The following CDH5 variants were observed in gnomAD, a reference collection of about 807,000 sequenced individuals.
CDH5 encodes the protein cadherin-5.
Under a neutral mutation model 62.0 loss-of-function variants are expected in CDH5, and 28 were observed. That is an observed-to-expected ratio of 0.45 (90% CI 0.33 to 0.62). CDH5 has a LOEUF of 0.62. Among genes scored for constraint, CDH5 ranks in the 20% least tolerant of loss-of-function variants. The probability of loss-of-function intolerance (pLI) is 0.02; values close to 1 mark genes in which losing one functional copy is unlikely to be tolerated. For synonymous variants in CDH5, 464 were observed against 445.8 expected (o/e 1.04, Z -0.52); for missense variants, 940 against 1,065.1 (o/e 0.88, Z 1.63).
At chr16:66,390,310 C>A (rs947556429) in intron 5 of CDH5, 93 bp from the exon 6 acceptor site, 5 of 977,010 alleles carry the variant, frequency 5.1e-6, no homozygotes, top group African/African-American at 4.9e-5. Flanking sequence ...ATGCCCATTT[C>A]TTTTATCAAA....
intron 11 of CDH5, 29 bp from the exon 12 acceptor site, chr16:66,402,623 G>A (rs1961306138): frequency 3.3e-6 from 5 of 1,529,876 alleles, no homozygotes; most frequent in Admixed American, 2.0e-5. Context: ...AGCCTTGTCT[G>A]ACTCTGCTGC....
chr16:66,401,756 C>A (rs531974558), intron 11 of CDH5, among the ~76,000 whole-genome samples: 1 of 152,270 alleles, frequency 6.6e-6, no homozygotes, highest in South Asian at 2.1e-4. Flanking sequence ...TGGGGCCACC[C>A]CCCAGCATCA....
rs1961304670 is a variant in CDH5 at position 66,402,587 on chromosome 16, G to A, written c.1838-65G>A. On this transcript the variant is annotated intron_variant, in intron 11 of 11. Transcript: ENST00000341529. ...GGGTTGCAGGGGGCAGTGGGGATGG[G>A]GGCATGGGGGGCCGCCCAGGCCCCC... The A allele has an allele frequency of 7.1e-6, 10 of 1,410,498 alleles. No individual in the cohort carries two copies. In the South Asian group the frequency reaches 7.3e-5, roughly 10 times the overall value. 87.4% of individuals were successfully genotyped at this position (1,410,498 alleles called of 1,614,324 possible).
intron 3 of CDH5, 54 bp downstream of exon 3, chr16:66,387,151 C>T: frequency 6.6e-7 from 1 of 1,519,266 alleles, no homozygotes; most frequent in Non-Finnish European, 9.0e-7. Context: ...AGCCTGGGGG[C>T]ACCTCTCACA....
chr16:66,388,433 T>C lies in CDH5; in HGVS notation c.609T>C (p.Asp203=). ...AGGGGAAAGAGTATTTTGCCATCGA[T>C]AATTCTGGTCTGTGTGACTAACACT... ...ILKGKEYFAI[D]NSGRIITITK... is the part of the protein sequence containing the mutation. The change falls in exon 4 of 12, where the codon GAT becomes GAC. Residue 203 remains aspartate (D), a synonymous_variant. Transcript: ENST00000341529. The C allele has an allele frequency of 6.2e-7, 1 of 1,600,910 alleles. No homozygotes were observed. The highest frequency in any genetic ancestry group is 8.6e-7 in the Non-Finnish European group (1 of 1,167,958).
In CDH5 at chr16:66,398,512, C is replaced by T; in HGVS notation, c.1542C>T (p.Phe514=). The change falls in exon 10 of 12, where the codon TTC becomes TTT. Residue 514 remains phenylalanine (F), a synonymous_variant. Coordinates refer to ENST00000341529, the MANE Select transcript of CDH5 (RefSeq NM_001795.5). ...ACATAACACCACGAAACGTGAAGTTCAAATTCATCTTGAATACTGAGAACA... is the reference window on the plus strand; with the variant it reads ...ACATAACACCACGAAACGTGAAGTTTAAATTCATCTTGAATACTGAGAACA... ...DKDITPRNVK[F]KFILNTENNF... The T allele has an allele frequency of 1.9e-6, 3 of 1,608,302 alleles. No individual in the cohort carries two copies. Among genetic ancestry groups the T allele is most frequent in the Non-Finnish European group, 2.6e-6 (3 of 1,174,654 alleles).
intron 1 of CDH5, among the ~76,000 whole-genome samples, chr16:66,376,169 T>C (rs1049213069): frequency 6.6e-6 from 1 of 152,150 alleles, no homozygotes; most frequent in Admixed American, 6.5e-5. Context: ...CAACCTAATA[T>C]AACATTTTTT....
At chr16:66,374,908 A>C (rs1054166865) in intron 1 of CDH5, among the ~76,000 whole-genome samples, 1 of 151,866 alleles carries the variant, frequency 6.6e-6, no homozygotes, top group East Asian at 1.9e-4. Flanking sequence ...TTAACTCGTC[A>C]TTTACATTAG....
At position 66,382,620 on chromosome 16, in the gene CDH5, G is replaced by A. The variant is rs1281749632; in HGVS notation, c.210+3073G>A. ...AGTGGGGGCTACCTTTCAAGGGCTC[G>A]CCCAAGGGTTTCTAGCAGCAGGAAG... On this transcript the variant is annotated intron_variant, in intron 2 of 11. Coordinates refer to ENST00000341529, the MANE Select transcript of CDH5 (RefSeq NM_001795.5). 2.6e-5 allele frequency among the ~76,000 whole-genome samples: 4 copies of A among 152,156 alleles called. No homozygotes were observed. The East Asian group carries it at 5.8e-4, about 22-fold the overall frequency.
intron 8 of CDH5, 128 bp from the exon 9 acceptor site, chr16:66,397,854 G>A: frequency 8.2e-6 from 8 of 970,870 alleles, no homozygotes; most frequent in Non-Finnish European, 1.3e-5. Flanking sequence ...CACCATCCTG[G>A]GCCTCTGTTC....
rs1468131133 is a variant in CDH5, at chr16:66,403,466, TCCTCTGGCTCC to T, written c.*300_*310del. On this transcript the variant is annotated 3_prime_UTR_variant, in exon 12 of 12. Coordinates refer to ENST00000341529, the MANE Select transcript of CDH5 (RefSeq NM_001795.5). This position sits in a 1 kb window ranked among gnomAD's most constrained non-coding sequence, Gnocchi z 4.3. Reference sequence around the variant, plus strand: ...CAGACCGCCGTCTAACTCAAAGACTTCCTCTGGCTCCCCAAGGCTGCAAAGCAAAACAGACT... The same window carrying T: ...CAGACCGCCGTCTAACTCAAAGACTTCCAAGGCTGCAAAGCAAAACAGACT... The T allele has an allele frequency of 2.3e-6, 1 of 428,746 alleles. No individual in the cohort carries two copies. Among genetic ancestry groups the T allele is most frequent in the Non-Finnish European group, 4.3e-6 (1 of 234,166 alleles). The allele number at this position is 428,746 out of a possible 1,614,324, so 26.6% of individuals were successfully genotyped here. A position where few individuals can be genotyped will look rare whatever the true frequency, so the allele number is the denominator to read the frequency against.
rs563698048 is a variant in CDH5 at position 66,404,044 on chromosome 16, T to C, written c.*875T>C. On this transcript the variant is annotated 3_prime_UTR_variant, in exon 12 of 12. Coordinates refer to ENST00000341529, the MANE Select transcript of CDH5 (RefSeq NM_001795.5). ...CCAGTTTTGCCTGAGAAGGGGCAGA[T>C]GTTCCCGGAGCAGAAGACGTCTCCC... 6.6e-6 allele frequency: 1 copy of C among 152,554 alleles called. No individual in the cohort carries two copies. The highest frequency in any genetic ancestry group is 2.4e-5 in the African/African-American group (1 of 41,572). The allele number at this position is 152,554 out of a possible 1,614,324, so 9.5% of individuals were successfully genotyped here. A position where few individuals can be genotyped will look rare whatever the true frequency, so the allele number is the denominator to read the frequency against.
At chr16:66,390,730 CTG>C in intron 6 of CDH5, 140 bp downstream of exon 6, 1 of 745,126 alleles carries the variant, frequency 1.3e-6, no homozygotes, top group Non-Finnish European at 2.2e-6. Flanking sequence ...TTCATGGAGA[CTG>C]TGATCCAGTG....
intron 7 of CDH5, chr16:66,395,500 T>TTCC: frequency 8.4e-6 from 1 of 118,828 alleles, no homozygotes; most frequent in African/African-American, 3.2e-5. Flanking sequence ...AAACTTTTCT[T>TTCC]TTCTTTTTTT....
At chr16:66,386,526 G>T (rs767058280) in intron 2 of CDH5, among the ~76,000 whole-genome samples, 8 of 152,026 alleles carry the variant, frequency 5.3e-5, no homozygotes. Context: ...GAGAATATGT[G>T]GTATTGGATT....
chr16:66,385,201 C>G (rs1960962647), intron 2 of CDH5, among the ~76,000 whole-genome samples: 2 of 152,192 alleles, frequency 1.3e-5, no homozygotes, highest in Admixed American at 6.5e-5. Flanking sequence ...TCTATAGGAA[C>G]TATACCGTTC....
chr16:66,372,633 G>C (rs1411532217), intron 1 of CDH5, among the ~76,000 whole-genome samples: 1 of 152,196 alleles, frequency 6.6e-6, no homozygotes, highest in Admixed American at 6.5e-5. Context: ...TCGGTCACCA[G>C]GCTTGGCCTA....
Position 66,402,522 on chromosome 16 carries a change from G to A in CDH5, c.1838-130G>A. ...AAAGGATGGGGTTGCAGGGGAAGGGGGGGCCAAAGGGATGGGCATGCTGGG... is the reference window on the plus strand; with the variant it reads ...AAAGGATGGGGTTGCAGGGGAAGGGAGGGCCAAAGGGATGGGCATGCTGGG... On this transcript the variant is annotated intron_variant, in intron 11 of 11. Coordinates refer to ENST00000341529, the MANE Select transcript of CDH5 (RefSeq NM_001795.5). The A allele has an allele frequency of 1.1e-5, 8 of 741,250 alleles. 1 individual carries two copies. In the South Asian group the frequency reaches 1.5e-4, roughly 14 times the overall value. 45.9% of individuals were successfully genotyped at this position (741,250 alleles called of 1,614,324 possible). A position where few individuals can be genotyped will look rare whatever the true frequency, so the allele number is the denominator to read the frequency against.
chr16:66,375,913 C>G (rs200909036), intron 1 of CDH5, among the ~76,000 whole-genome samples: 1 of 151,878 alleles, frequency 6.6e-6, no homozygotes, highest in Non-Finnish European at 1.5e-5. Flanking sequence ...TTGAGACCAA[C>G]CTGGCCAACA....
Sources: allele counts gnomAD v4.1 joint callset (sites outside exome capture counted in the v4.1 genomes callset), GRCh38; gene constraint gnomAD v4.1.1; non-coding constraint Gnocchi (gnomAD v3.1); transcripts MANE v1.5; gene names NCBI Gene and HGNC (gene_info 2026-07-23, HGNC 2026-07-21).